Variants in PIK3R2 observed in about 807,000 individuals in gnomAD.
The protein encoded by PIK3R2 is phosphatidylinositol 3-kinase regulatory subunit beta.
In PIK3R2, 40 loss-of-function variants were observed where a neutral mutation model predicts 78.5. The observed-to-expected ratio is 0.51, with a 90% CI of 0.40 to 0.66. PIK3R2 has a LOEUF of 0.66. Among genes scored for constraint, PIK3R2 ranks in the 30% least tolerant of loss-of-function variants. The probability of loss-of-function intolerance (pLI) is 0.00; values close to 1 mark genes in which losing one functional copy is unlikely to be tolerated. For missense variants in PIK3R2, 880 were observed against 1,026.6 expected (o/e 0.86, Z 1.95); for synonymous variants, 473 against 457.7 (o/e 1.03, Z -0.43).
chr19:18,153,623 A>G (rs1304255778), intron 1 of PIK3R2, among the ~76,000 whole-genome samples: 1 of 152,172 alleles, frequency 6.6e-6, no homozygotes, highest in African/African-American at 2.4e-5. Flanking sequence ...TGTGCGGGGC[A>G]GAATGGGGTG....
intron 2 of PIK3R2, among the ~76,000 whole-genome samples, chr19:18,157,217 C>G (rs1339352203): frequency 1.3e-5 from 2 of 152,234 alleles, no homozygotes; most frequent in African/African-American, 2.4e-5. Flanking sequence ...CTCCAGGCAT[C>G]TGGTATCTCC....
At chr19:18,166,963 A>G (rs2043816054) in intron 12 of PIK3R2, among the ~76,000 whole-genome samples, 167 bp from the exon 13 acceptor site, 2 of 151,494 alleles carry the variant, frequency 1.3e-5, no homozygotes, top group South Asian at 2.1e-4. Flanking sequence ...GGCAAAATCT[A>G]CCTCTACAAA....
intron 1 of PIK3R2, among the ~76,000 whole-genome samples, chr19:18,153,814 C>A (rs1235026083): frequency 6.6e-6 from 1 of 152,142 alleles, no homozygotes; most frequent in Non-Finnish European, 1.5e-5. Context: ...GGGGCGCGCA[C>A]ACCGGGGCGT....
intron 11 of PIK3R2, among the ~76,000 whole-genome samples, chr19:18,164,398 T>A (rs2043785153): frequency 6.6e-6 from 1 of 151,744 alleles, no homozygotes; most frequent in Non-Finnish European, 1.5e-5. Flanking sequence ...TCCCAGCTAC[T>A]CGGAAGGCTG....
chr19:18,169,064 C>T (rs1293743812), intron 15 of PIK3R2, 23 bp from the exon 16 acceptor site: 45 of 1,600,428 alleles, frequency 2.8e-5, no homozygotes, highest in Middle Eastern at 1.8e-4. Flanking sequence ...CCTTCCGACT[C>T]CCCCTCTCGT....
intron 1 of PIK3R2, among the ~76,000 whole-genome samples, chr19:18,155,048 T>C (rs554087244): frequency 1.9e-4 from 29 of 152,038 alleles, no homozygotes; most frequent in Non-Finnish European, 3.5e-4. Context: ...ACCTCGTCTC[T>C]ACTAAAAATA....
In PIK3R2 at chr19:18,169,327, C is replaced by G. The variant is rs571048757; in HGVS notation, c.*33C>G. On this transcript the variant is annotated 3_prime_UTR_variant, in exon 16 of 16. Coordinates refer to ENST00000222254, the MANE Select transcript of PIK3R2 (RefSeq NM_005027.4). ...GGACCCGCCCCAAGCAGAGCCGCCC[C>G]TGGGCCCGTCTGCGCCGGAGGCTGC... The G allele has an allele frequency of 2.3e-6, 3 of 1,287,228 alleles. No homozygotes were observed. The East Asian group carries it at 9.8e-5, about 42-fold the overall frequency. 79.7% of individuals were successfully genotyped at this position (1,287,228 alleles called of 1,614,324 possible). A position where few individuals can be genotyped will look rare whatever the true frequency, so the allele number is the denominator to read the frequency against.
intron 8 of PIK3R2, 21 bp downstream of exon 8, chr19:18,162,331 C>T: frequency 1.3e-6 from 2 of 1,592,660 alleles, no homozygotes; most frequent in Non-Finnish European, 1.7e-6. Flanking sequence ...GGCAGGGGGC[C>T]AGGGACCAAG....
Position 18,168,617 on chromosome 19 carries a change from G to T in PIK3R2, c.1808+71G>T. On this transcript the variant is annotated intron_variant, in intron 14 of 15. Coordinates refer to ENST00000222254, the MANE Select transcript of PIK3R2 (RefSeq NM_005027.4). This position sits in a 1 kb window ranked among gnomAD's most constrained non-coding sequence, Gnocchi z 4.1. ...GGGGCCATTTGGGGTGGGTTTCGAA[G>T]AATGAGTAGGAGTTCACCAGGGAGG... The T allele has an allele frequency of 1.0e-6, 1 of 979,234 alleles. No homozygotes were observed. Among genetic ancestry groups the T allele is most frequent in the Non-Finnish European group, 1.7e-6 (1 of 606,044 alleles). The allele number at this position is 979,234 out of a possible 1,614,324, so 60.7% of individuals were successfully genotyped here.
At chr19:18,165,986 G>A (rs2043805851) in intron 11 of PIK3R2, 174 bp from the exon 12 acceptor site, 1 of 799,734 alleles carries the variant, frequency 1.3e-6, no homozygotes, top group Non-Finnish European at 2.2e-6. Context: ...TTGGGGGGTG[G>A]GGTTTTGAAG....
At position 18,156,145 on chromosome 19, in the gene PIK3R2, G is replaced by A. The variant is rs532391308; in HGVS notation, c.266G>A (p.Arg89His). 1.8e-5 allele frequency: 26 copies of A among 1,467,952 alleles called. 2 individuals are homozygous for A. The highest frequency in any genetic ancestry group is 7.1e-5 in the South Asian group (5 of 70,662). The allele number at this position is 1,467,952 out of a possible 1,614,324, so 90.9% of individuals were successfully genotyped here. The change falls in exon 2 of 16, where the codon CGC becomes CAC. Residue 89 changes from arginine to histidine, a missense_variant. Arg to His is a conservative substitution (Grantham distance 29). Around this residue, in one of 3 missense-constraint regions of PIK3R2, gnomAD observed 456 missense variants for 486.6 expected, o/e 0.94. Transcript: ENST00000222254. This position sits in a 1 kb window ranked among gnomAD's most constrained non-coding sequence, Gnocchi z 4.2. ...GTGGCCCTGGCCCGGCCCGGCCCTC[G>A]CCCACGGGGCCCCCGCCCACTGCCC... ...GPVALARPGP[R>H]PRGPRPLPAR...
Position 18,161,987 on chromosome 19 carries a change from C to G in PIK3R2, c.837C>G (p.Phe279Leu). 3.1e-6 allele frequency: 5 copies of G among 1,614,024 alleles called. No homozygotes were observed. Among genetic ancestry groups the G allele is most frequent in the Non-Finnish European group, 4.2e-6 (5 of 1,179,956 alleles). The change falls in exon 7 of 16, where the codon TTC becomes TTG. Residue 279 changes from phenylalanine (F) to leucine (L), a missense_variant. Transcript: ENST00000222254. The surrounding 1 kb of genome is among the most constrained non-coding windows in gnomAD (Gnocchi z 5.3). Reference protein sequence around the residue: ...APDGSEPSPDFPALLVEKLLQ... With the variant: ...APDGSEPSPDLPALLVEKLLQ... The stretch of plus-strand genomic sequence containing the variant: ...TAAGGAGTGAGCCCAGCCCTGACTT[C>G]CCGGCGCTGCTGGTGGAGAAGCTGC...
At position 18,154,137 on chromosome 19, in the gene PIK3R2, C is replaced by T. The variant is rs2043652487; in HGVS notation, c.-424+843C>T. On this transcript the variant is annotated intron_variant, in intron 1 of 15. Transcript: ENST00000222254. The stretch of plus-strand genomic sequence containing the variant: ...GTGCCGTTCCGTCTGCCTGTCGCGC[C>T]TTCCTATCCGCTGTGATGATCCATT... Among the ~76,000 whole-genome samples, 11 of 152,194 alleles carry T rather than the reference C, an allele frequency of 7.2e-5. No individual in the cohort carries two copies. The South Asian group carries it at 2.3e-3, about 31-fold the overall frequency.
chr19:18,160,848 G>C, intron 3 of PIK3R2, 71 bp from the exon 4 acceptor site: 1 of 1,534,996 alleles, frequency 6.5e-7, no homozygotes, highest in African/African-American at 1.4e-5. Context: ...GGGGGGTTGA[G>C]CGGCCAGTCC....
At position 18,156,517 on chromosome 19, in the gene PIK3R2, C is replaced by T. The variant is rs1307615781; in HGVS notation, c.322+316C>T. On this transcript the variant is annotated intron_variant, in intron 2 of 15. Transcript: ENST00000222254. This position sits in a 1 kb window ranked among gnomAD's most constrained non-coding sequence, Gnocchi z 4.2. ...CGAGGGCAGAGGCTGTGGAGTAGAA[C>T]TCTAATGGCGGGAACGGCCAGCAGG... 1.3e-5 allele frequency among the ~76,000 whole-genome samples: 2 copies of T among 152,086 alleles called. No individual in the cohort carries two copies. The highest frequency in any genetic ancestry group is 6.6e-5 in the Admixed American group (1 of 15,258).
rs1304153690 is a variant in PIK3R2 at position 18,167,447 on chromosome 19, G to A, written c.1736+141G>A. 25 of 657,378 alleles carry A rather than the reference G, an allele frequency of 3.8e-5. No homozygotes were observed. The Middle Eastern group carries it at 1.0e-3, about 26-fold the overall frequency. 40.7% of individuals were successfully genotyped at this position (657,378 alleles called of 1,614,324 possible). On this transcript the variant is annotated intron_variant, in intron 13 of 15. Coordinates refer to ENST00000222254, the MANE Select transcript of PIK3R2 (RefSeq NM_005027.4). This position sits in a 1 kb window ranked among gnomAD's most constrained non-coding sequence, Gnocchi z 4.5. ...AGACCCCTTAAACTCGGTTCCTCCC[G>A]GGCCCCTTGAAAGTTTTCCCATAGG...
chr19:18,166,386 C>G, intron 12 of PIK3R2, 84 bp downstream of exon 12: 1 of 1,200,330 alleles, frequency 8.3e-7, no homozygotes, highest in Non-Finnish European at 1.2e-6. Context: ...AGAAGGAGGC[C>G]AGCCACTTGG....
rs749204375 is a variant in PIK3R2 at position 18,163,033 on chromosome 19, A to C, written c.1176A>C (p.Pro392=). The change falls in exon 10 of 16, where the codon CCA becomes CCC. Residue 392 remains proline (P), a synonymous_variant. Coordinates refer to ENST00000222254, the MANE Select transcript of PIK3R2 (RefSeq NM_005027.4). ...HRDGHYGFSE[P]LTFCSVVDLI... is the part of the protein sequence containing the mutation. The stretch of plus-strand genomic sequence containing the variant: ...ATGGGCACTATGGCTTCTCAGAGCC[A>C]CTCACCTTCTGCTCCGTTGTGGACC... 6.2e-7 allele frequency: 1 copy of C among 1,613,390 alleles called. No homozygotes were observed. Among genetic ancestry groups the C allele is most frequent in the South Asian group, 1.1e-5 (1 of 91,022 alleles).
intron 9 of PIK3R2, 98 bp downstream of exon 9, chr19:18,162,604 C>A: frequency 5.1e-6 from 5 of 988,930 alleles, no homozygotes; most frequent in South Asian, 2.8e-5. Flanking sequence ...GAATGGAGGG[C>A]CAGGCACGGT....
Sources: allele counts gnomAD v4.1 joint callset (sites outside exome capture counted in the v4.1 genomes callset), GRCh38; gene constraint gnomAD v4.1.1; regional missense constraint gnomAD v4.1.1; non-coding constraint Gnocchi (gnomAD v3.1); transcripts MANE v1.5; gene names NCBI Gene and HGNC (gene_info 2026-07-23, HGNC 2026-07-21).